MBD2: variants seen among roughly 807,000 people sequenced by gnomAD.
MBD2 encodes the protein methyl-CpG-binding domain protein 2.
Under a neutral mutation model 39.3 loss-of-function variants are expected in MBD2, and 9 were observed. The ratio of observed to expected loss-of-function variants is 0.23; its 90% CI spans 0.14 to 0.40. The LOEUF is 0.40. Among genes scored for constraint, MBD2 ranks in the 10% least tolerant of loss-of-function variants. The pLI is 1.00. For missense variants in MBD2, 458 were observed against 532.6 expected, an observed-to-expected ratio of 0.86 and a Z score of 1.38; for synonymous variants, 233 against 211.1, an observed-to-expected ratio of 1.10 and a Z score of -0.90.
chr18:54,189,923 A>G lies in MBD2; in HGVS notation c.703-912T>C, dbSNP rs141657103. On this transcript the variant is annotated intron_variant, in intron 2 of 6. Coordinates refer to ENST00000256429, the MANE Select transcript of MBD2 (RefSeq NM_003927.5). The stretch of plus-strand genomic sequence containing the variant: ...CTCAGCCTCCCAAAGTGCTGGGATT[A>G]CAGGTGTGAGCCTCCACACCTGGCC... Among the ~76,000 whole-genome samples the G allele has an allele frequency of 4.7e-4, 71 of 152,276 alleles. 2 individuals carry two copies. In the East Asian group the frequency reaches 0.012, roughly 26 times the overall value.
chr18:54,178,415 T>C (rs1344753396), intron 3 of MBD2, among the ~76,000 whole-genome samples: 11 of 152,054 alleles, frequency 7.2e-5, no homozygotes, highest in Admixed American at 1.3e-4. Context: ...TCACCAATTA[T>C]GAAAAAGACC....
intron 2 of MBD2, among the ~76,000 whole-genome samples, chr18:54,194,793 T>C (rs2086352678): frequency 1.3e-5 from 2 of 152,076 alleles, no homozygotes; most frequent in Non-Finnish European, 2.9e-5. Context: ...TGATAGAATG[T>C]AACAGTGAAC....
chr18:54,168,626 TG>T (rs2086155715), intron 3 of MBD2, among the ~76,000 whole-genome samples: 1 of 45,452 alleles, frequency 2.2e-5, no homozygotes, highest in African/African-American at 2.1e-4. Context: ...TGTGTGTGTG[TG>T]TGTGTGTGTG....
intron 3 of MBD2, among the ~76,000 whole-genome samples, chr18:54,170,176 C>T (rs1303465069): frequency 1.3e-5 from 2 of 152,194 alleles, no homozygotes. Context: ...AGGACATCAA[C>T]GGAAGCATAG....
chr18:54,206,697 G>A (rs541890750), intron 1 of MBD2, among the ~76,000 whole-genome samples: 2 of 152,090 alleles, frequency 1.3e-5, no homozygotes, highest in Admixed American at 6.5e-5. Flanking sequence ...CATGACTTAA[G>A]TATTCGTGAA....
At chr18:54,181,223 T>G (rs2086250071) in intron 3 of MBD2, among the ~76,000 whole-genome samples, 1 of 152,052 alleles carries the variant, frequency 6.6e-6, no homozygotes. Flanking sequence ...AAAATTCACA[T>G]GTAATGTCTC....
At chr18:54,187,448 G>C (rs1280336745) in intron 3 of MBD2, among the ~76,000 whole-genome samples, 1 of 152,158 alleles carries the variant, frequency 6.6e-6, no homozygotes, top group Non-Finnish European at 1.5e-5. Flanking sequence ...AGATGTTCAA[G>C]ACTTTAGACA....
intron 3 of MBD2, among the ~76,000 whole-genome samples, chr18:54,171,219 T>C (rs944637213): frequency 1.3e-5 from 2 of 152,014 alleles, no homozygotes; most frequent in Non-Finnish European, 2.9e-5. Context: ...CTGACCAAGA[T>C]GGTGAAACCC....
At chr18:54,165,682 C>A (rs1048144155) in intron 4 of MBD2, among the ~76,000 whole-genome samples, 2 of 152,070 alleles carry the variant, frequency 1.3e-5, no homozygotes, top group African/African-American at 4.8e-5. Flanking sequence ...GTTGGTTGTT[C>A]TTTTGGGAAG....
chr18:54,188,991 T>A lies in MBD2; in HGVS notation c.723A>T (p.Thr241=). The change falls in exon 3 of 7, where the codon ACA becomes ACT. Residue 241 remains threonine (T), a synonymous_variant. Transcript: ENST00000256429. The part of the protein sequence containing the change: ...NQNKGKPDLN[T]TLPIRQTASI... Reference sequence around the variant, plus strand: ...ATGCTGTTTGTCTAATTGGCAATGTTGTATTCAAGTCTGGTTTACCCTGTG... The same window carrying A: ...ATGCTGTTTGTCTAATTGGCAATGTAGTATTCAAGTCTGGTTTACCCTGTG... 1 of 1,607,432 alleles carries A rather than the reference T, an allele frequency of 6.2e-7. No individual in the cohort carries two copies. Among genetic ancestry groups the A allele is most frequent in the Non-Finnish European group, 8.5e-7 (1 of 1,175,714 alleles).
intron 2 of MBD2, among the ~76,000 whole-genome samples, chr18:54,195,715 A>G (rs1004361369): frequency 2.0e-5 from 3 of 152,158 alleles, no homozygotes; most frequent in Non-Finnish European, 4.4e-5. Flanking sequence ...TAGTCATAAA[A>G]AAAAAGAAAA....
At chr18:54,164,777 G>A in intron 4 of MBD2, 77 bp from the exon 5 acceptor site, 1 of 1,164,146 alleles carries the variant, frequency 8.6e-7, no homozygotes, top group Non-Finnish European at 1.2e-6. Context: ...TAAAACAACT[G>A]ATATTTTTAT....
At chr18:54,205,753 C>T (rs1381083678) in intron 1 of MBD2, among the ~76,000 whole-genome samples, 2 of 152,058 alleles carry the variant, frequency 1.3e-5, no homozygotes, top group African/African-American at 4.8e-5. Flanking sequence ...GCAACTACTG[C>T]GAGAACCTAA....
At chr18:54,188,533 A>G (rs910054185) in intron 3 of MBD2, among the ~76,000 whole-genome samples, 11 of 152,352 alleles carry the variant, frequency 7.2e-5, no homozygotes, top group African/African-American at 2.6e-4. Flanking sequence ...ACTAAGCAAC[A>G]CAAACTACAT....
intron 1 of MBD2, among the ~76,000 whole-genome samples, chr18:54,222,639 T>C (rs1478563758): frequency 6.6e-6 from 1 of 152,208 alleles, no homozygotes; most frequent in Non-Finnish European, 1.5e-5. Flanking sequence ...TAAAAGAAGT[T>C]CTCCATTTTA....
chr18:54,204,767 C>T (rs1009975698), intron 2 of MBD2, among the ~76,000 whole-genome samples: 1 of 152,024 alleles, frequency 6.6e-6, no homozygotes, highest in Non-Finnish European at 1.5e-5. Context: ...TGTAAACAGC[C>T]CCAGTGGGTC....
At chr18:54,159,155 T>C (rs4041245) in intron 6 of MBD2, among the ~76,000 whole-genome samples, 66,590 of 151,952 alleles carry the variant, frequency 0.44, 15,168 homozygotes, top group African/African-American at 0.54. Flanking sequence ...GACAAAGTCC[T>C]TTTCTTCTGC....
intron 3 of MBD2, among the ~76,000 whole-genome samples, chr18:54,178,568 C>CA (rs1427774309): frequency 6.6e-6 from 1 of 151,272 alleles, no homozygotes; most frequent in Non-Finnish European, 1.5e-5. Flanking sequence ...TAAAAAAAAA[C>CA]AAAGATCCCA....
At position 54,224,603 on chromosome 18, in the gene MBD2, G is replaced by A. The variant is rs1437503519; in HGVS notation, c.-44C>T. On this transcript the variant is annotated 5_prime_UTR_variant, in exon 1 of 7. Transcript: ENST00000256429. The stretch of plus-strand genomic sequence containing the variant: ...GGCGCTGCGCTTCTTCCGTAACCGA[G>A]CCCTTGGAATCCCGGAGACCCGCCC... 8.2e-6 allele frequency: 10 copies of A among 1,213,370 alleles called. No homozygotes were observed. The highest frequency in any genetic ancestry group is 1.0e-5 in the Non-Finnish European group (10 of 972,166). 75.2% of individuals were successfully genotyped at this position (1,213,370 alleles called of 1,614,324 possible).
Sources: allele counts gnomAD v4.1 joint callset (sites outside exome capture counted in the v4.1 genomes callset), GRCh38; gene constraint gnomAD v4.1.1; transcripts MANE v1.5; gene names NCBI Gene and HGNC (gene_info 2026-07-23, HGNC 2026-07-21).